The following ADAMTS19 variants were observed in gnomAD, a reference collection of about 807,000 sequenced individuals.
ADAMTS19 encodes the protein ADAM metallopeptidase with thrombospondin type 1 motif 19.
Under a neutral mutation model 153.3 loss-of-function variants are expected in ADAMTS19, and 93 were observed. The observed-to-expected ratio is 0.61, with a 90% CI of 0.51 to 0.72. ADAMTS19 has a LOEUF of 0.72. ADAMTS19 is among the 30% of genes least tolerant of loss of function. ADAMTS19 has a pLI of 0.00. For synonymous variants in ADAMTS19, 600 were observed against 556.6 expected, an observed-to-expected ratio of 1.08 and a Z score of -1.10; for missense variants, 1,482 against 1,552.1, an observed-to-expected ratio of 0.95 and a Z score of 0.76.
intron 21 of ADAMTS19, among the ~76,000 whole-genome samples, chr5:129,734,698 T>C (rs1757589552): frequency 6.6e-6 from 1 of 152,024 alleles, no homozygotes; most frequent in Admixed American, 6.6e-5. Context: ...TCTTTACTCT[T>C]ATGTCCTTTT....
At chr5:129,667,591 AC>A (rs1215737361) in intron 16 of ADAMTS19, among the ~76,000 whole-genome samples, 1 of 151,136 alleles carries the variant, frequency 6.6e-6, no homozygotes, top group Non-Finnish European at 1.5e-5. Flanking sequence ...TGTGGTATGT[AC>A]CCCCCACCCT....
At chr5:129,490,554 C>A (rs1750730035) in intron 2 of ADAMTS19, among the ~76,000 whole-genome samples, 3 of 152,038 alleles carry the variant, frequency 2.0e-5, no homozygotes, top group Non-Finnish European at 4.4e-5. Context: ...TTTCTAGGAA[C>A]CAAATAAAAT....
At chr5:129,587,068 A>ACTAC in intron 7 of ADAMTS19, among the ~76,000 whole-genome samples, 1 of 151,418 alleles carries the variant, frequency 6.6e-6, no homozygotes, top group Middle Eastern at 3.4e-3. Flanking sequence ...TTTTAAATTA[A>ACTAC]TCCAGGAAAC....
chr5:129,526,980 G>C (rs1241539018), intron 4 of ADAMTS19, among the ~76,000 whole-genome samples: 1 of 151,814 alleles, frequency 6.6e-6, no homozygotes, highest in Non-Finnish European at 1.5e-5. Context: ...ATGAATGTTG[G>C]TAATCCACTG....
At chr5:129,600,589 T>C (rs1038673382) in intron 8 of ADAMTS19, among the ~76,000 whole-genome samples, 1 of 152,150 alleles carries the variant, frequency 6.6e-6, no homozygotes, top group Non-Finnish European at 1.5e-5. Flanking sequence ...ATCAATACGG[T>C]CCACTAAGTA....
intron 11 of ADAMTS19, among the ~76,000 whole-genome samples, chr5:129,644,968 T>G (rs970915405): frequency 3.3e-5 from 5 of 152,196 alleles, no homozygotes; most frequent in African/African-American, 1.2e-4. Flanking sequence ...CCTGCCTTCC[T>G]CCTCTTCTCT....
At chr5:129,552,780 A>G (rs1753171323) in intron 7 of ADAMTS19, among the ~76,000 whole-genome samples, 1 of 152,058 alleles carries the variant, frequency 6.6e-6, no homozygotes, top group Non-Finnish European at 1.5e-5. Flanking sequence ...AACTAGTTCC[A>G]TTAACCTAAT....
chr5:129,533,543 A>G (rs1446091298), intron 6 of ADAMTS19, among the ~76,000 whole-genome samples: 1 of 152,122 alleles, frequency 6.6e-6, no homozygotes, highest in African/African-American at 2.4e-5. Context: ...TCAAAAACCC[A>G]GCTCCTGGAT....
chr5:129,586,900 GATTA>G (rs965679910), intron 7 of ADAMTS19, among the ~76,000 whole-genome samples: 1 of 152,040 alleles, frequency 6.6e-6, no homozygotes, highest in African/African-American at 2.4e-5. Context: ...TACATTTAAT[GATTA>G]ATTCTCAAAT....
At chr5:129,524,773 G>C (rs949990705) in intron 3 of ADAMTS19, among the ~76,000 whole-genome samples, 1 of 150,636 alleles carries the variant, frequency 6.6e-6, no homozygotes, top group Non-Finnish European at 1.5e-5. Flanking sequence ...AAAAAAAAAC[G>C]AAGGAAAAGA....
At chr5:129,608,082 TTATA>T (rs374653751) in intron 8 of ADAMTS19, among the ~76,000 whole-genome samples, 1,117 of 49,712 alleles carry the variant, frequency 0.022, 28 homozygotes, top group East Asian at 0.05. Context: ...AATTGGAATT[TTATA>T]TATATGTGTG....
rs1290207043 is a variant in ADAMTS19 at position 129,509,097 on chromosome 5, T to C, written c.768T>C (p.Asn256=). The C allele has an allele frequency of 1.2e-6, 2 of 1,610,198 alleles. No individual in the cohort carries two copies. The highest frequency in any genetic ancestry group is 1.3e-5 in the African/African-American group (1 of 74,720). The change falls in exon 3 of 23, where the codon AAT becomes AAC. Residue 256 remains asparagine (N), a synonymous_variant. Coordinates refer to ENST00000274487, the MANE Select transcript of ADAMTS19 (RefSeq NM_133638.6). ...TCCAGATGGGATTTATACAGCTCAA[T>C]GAGGACTTCATATTTATTGAGCCAC... ...GGGLMGFIQL[N]EDFIFIEPLN...
chr5:129,583,871 G>A (rs1581113202), intron 7 of ADAMTS19, among the ~76,000 whole-genome samples: 1 of 151,800 alleles, frequency 6.6e-6, no homozygotes, highest in Admixed American at 6.6e-5. Flanking sequence ...CCTTTAACTT[G>A]GAGAAGTTTG....
At chr5:129,664,143 T>C (rs1161776435) in intron 15 of ADAMTS19, among the ~76,000 whole-genome samples, 3 of 152,214 alleles carry the variant, frequency 2.0e-5, no homozygotes, top group South Asian at 2.1e-4. Context: ...CAGTGAAGCC[T>C]TGAAGGTAGT....
At chr5:129,676,111 T>C (rs1581215458) in intron 16 of ADAMTS19, among the ~76,000 whole-genome samples, 1 of 152,308 alleles carries the variant, frequency 6.6e-6, no homozygotes, top group Non-Finnish European at 1.5e-5. Flanking sequence ...CCTCTTTTTA[T>C]TGGCTGATTT....
At chr5:129,503,583 G>T (rs1751174795) in intron 2 of ADAMTS19, among the ~76,000 whole-genome samples, 1 of 152,052 alleles carries the variant, frequency 6.6e-6, no homozygotes, top group African/African-American at 2.4e-5. Flanking sequence ...TCACGCCTGT[G>T]GTCCCAGTAC....
intron 21 of ADAMTS19, among the ~76,000 whole-genome samples, chr5:129,726,629 A>G (rs1757222719): frequency 6.6e-6 from 1 of 152,174 alleles, no homozygotes; most frequent in Non-Finnish European, 1.5e-5. Flanking sequence ...GTTATTAAAC[A>G]TTTTGGAACA....
chr5:129,657,632 A>G (rs1460125243), intron 14 of ADAMTS19, among the ~76,000 whole-genome samples: 1 of 152,196 alleles, frequency 6.6e-6, no homozygotes, highest in African/African-American at 2.4e-5. Flanking sequence ...CCAACTGTTC[A>G]TATTTTCTTA....
rs746766482 is a variant in ADAMTS19, at chr5:129,526,414, A to G, written c.1044A>G (p.Gly348=). 3.1e-6 allele frequency: 5 copies of G among 1,604,384 alleles called. No individual in the cohort carries two copies. Among genetic ancestry groups the G allele is most frequent in the Non-Finnish European group, 4.3e-6 (5 of 1,175,970 alleles). The change falls in exon 4 of 23, where the codon GGA becomes GGG. Residue 348 remains glycine, a synonymous_variant. Transcript: ENST00000274487. The part of the protein sequence containing the change: ...VADPAMVSYH[G]ADAARRFILT... Reference sequence around the variant, plus strand: ...ACCCAGCAATGGTTTCCTATCATGGAGCAGATGCAGCCAGGAGATTCATTC... The same window carrying G: ...ACCCAGCAATGGTTTCCTATCATGGGGCAGATGCAGCCAGGAGATTCATTC...
Sources: allele counts gnomAD v4.1 joint callset (sites outside exome capture counted in the v4.1 genomes callset), GRCh38; gene constraint gnomAD v4.1.1; transcripts MANE v1.5; gene names NCBI Gene and HGNC (gene_info 2026-07-23, HGNC 2026-07-21).